RABGAP1L: variants seen among roughly 807,000 people sequenced by gnomAD.
RABGAP1L encodes the protein RAB GTPase activating protein 1 like.
Under a neutral mutation model 137.7 loss-of-function variants are expected in RABGAP1L, and 63 were observed. The ratio of observed to expected loss-of-function variants is 0.46; its 90% CI spans 0.37 to 0.56. The LOEUF is 0.56. RABGAP1L is among the 20% of genes least tolerant of loss of function. The pLI, the probability that RABGAP1L is intolerant of heterozygous loss-of-function variation, is 0.00. For missense variants in RABGAP1L, 1,095 were observed against 1,244.0 expected (o/e 0.88, Z 1.80); for synonymous variants, 431 against 433.7 (o/e 0.99, Z 0.08).
intron 17 of RABGAP1L, among the ~76,000 whole-genome samples, chr1:174,720,698 AC>A (rs1681456626): frequency 6.6e-6 from 1 of 152,074 alleles, no homozygotes; most frequent in Non-Finnish European, 1.5e-5. Context: ...ATGAAGTTGT[AC>A]CCCTACCTCT....
intron 19 of RABGAP1L, among the ~76,000 whole-genome samples, chr1:174,853,587 C>G (rs1487079572): frequency 1.3e-5 from 2 of 152,004 alleles, no homozygotes; most frequent in Non-Finnish European, 2.9e-5. Context: ...AAAAATTAGC[C>G]AGGCATGGTG....
At chr1:174,808,196 C>T (rs184189093) in intron 18 of RABGAP1L, among the ~76,000 whole-genome samples, 68 of 151,972 alleles carry the variant, frequency 4.5e-4, no homozygotes, top group Admixed American at 1.2e-3. Flanking sequence ...ACCGTGTTAG[C>T]CAGGATGGTC....
intron 1 of RABGAP1L, among the ~76,000 whole-genome samples, chr1:174,200,327 T>A (rs1484168563): frequency 2.0e-5 from 3 of 152,244 alleles, no homozygotes; most frequent in East Asian, 3.8e-4. Context: ...CAAAGTAAGC[T>A]GGCATAACAG....
chr1:174,859,219 C>T (rs187591395), intron 19 of RABGAP1L, among the ~76,000 whole-genome samples: 155 of 152,232 alleles, frequency 1.0e-3, no homozygotes, highest in African/African-American at 3.4e-3. Context: ...TGGTGGCTCA[C>T]GCCTTTAATC....
intron 4 of RABGAP1L, among the ~76,000 whole-genome samples, chr1:174,239,500 A>G (rs994299478): frequency 6.6e-6 from 1 of 152,180 alleles, no homozygotes; most frequent in Non-Finnish European, 1.5e-5. Flanking sequence ...TCATCTTAGT[A>G]AACATTTTAT....
intron 11 of RABGAP1L, among the ~76,000 whole-genome samples, chr1:174,349,679 T>TGGG: frequency 1.2e-5 from 1 of 85,034 alleles, no homozygotes; most frequent in South Asian, 5.0e-4. Flanking sequence ...TGGCCGGGCG[T>TGGG]GGGGCTGACA....
At chr1:174,959,619 T>C (rs1382725958) in intron 20 of RABGAP1L, among the ~76,000 whole-genome samples, 1 of 152,218 alleles carries the variant, frequency 6.6e-6, no homozygotes, top group Non-Finnish European at 1.5e-5. Flanking sequence ...AGTTCAAGTA[T>C]TGTTGATTCT....
chr1:174,621,252 C>T (rs1672434298), intron 13 of RABGAP1L, among the ~76,000 whole-genome samples: 1 of 152,142 alleles, frequency 6.6e-6, no homozygotes, highest in Non-Finnish European at 1.5e-5. Context: ...TAGGAAGAAT[C>T]AATATCGTGA....
At chr1:174,888,792 C>T (rs57366106) in intron 19 of RABGAP1L, among the ~76,000 whole-genome samples, 19,265 of 152,066 alleles carry the variant, frequency 0.13, 1,286 homozygotes, top group East Asian at 0.22. Context: ...CCACCATGCC[C>T]GGCCAGCTAT....
At chr1:174,232,353 C>A (rs988552824) in intron 4 of RABGAP1L, among the ~76,000 whole-genome samples, 2 of 151,702 alleles carry the variant, frequency 1.3e-5, no homozygotes, top group African/African-American at 4.8e-5. Flanking sequence ...CGTGTGGTGG[C>A]ACACGCCTGT....
rs1337034635 is a variant in RABGAP1L, at chr1:174,702,191, A to G, written c.2104A>G (p.Thr702Ala). ...AHMYASQWFL[T>A]LFTAKFPLCM... ...TATGTATGCATCCCAGTGGTTTCTC[A>G]CTCTTTTTACTGCCAAGTTCCCACT... The change falls in exon 17 of 26, where the codon ACT becomes GCT. Residue 702 changes from threonine (T) to alanine (A), a missense_variant. Physicochemically the swap from Thr to Ala is moderately conservative, Grantham distance 58. Coordinates refer to ENST00000681986, the MANE Select transcript of RABGAP1L (RefSeq NM_001366446.1). The G allele has an allele frequency of 3.1e-6, 5 of 1,611,688 alleles. No individual in the cohort carries two copies. The highest frequency in any genetic ancestry group is 4.2e-6 in the Non-Finnish European group (5 of 1,178,836).
At chr1:174,678,788 C>T (rs116113339) in intron 14 of RABGAP1L, among the ~76,000 whole-genome samples, 9,585 of 152,166 alleles carry the variant, frequency 0.063, 1,056 homozygotes, top group African/African-American at 0.22. Flanking sequence ...TAGAATGAAC[C>T]CCAGGCACTT....
At chr1:174,539,623 C>A (rs1665195389) in intron 13 of RABGAP1L, among the ~76,000 whole-genome samples, 1 of 152,202 alleles carries the variant, frequency 6.6e-6, no homozygotes, top group Non-Finnish European at 1.5e-5. Context: ...GACATGAACT[C>A]ATCCCTTTTT....
chr1:174,319,464 A>G (rs7512930), intron 11 of RABGAP1L, among the ~76,000 whole-genome samples: 87,241 of 151,962 alleles, frequency 0.57, 27,425 homozygotes, highest in African/African-American at 0.85. Context: ...AAATTTCTGC[A>G]TATGTCATTA....
intron 19 of RABGAP1L, among the ~76,000 whole-genome samples, chr1:174,884,541 A>G (rs1392449727): frequency 1.3e-5 from 2 of 152,208 alleles, no homozygotes; most frequent in Non-Finnish European, 2.9e-5. Flanking sequence ...TTTTGGCACT[A>G]TATCAATTTC....
intron 1 of RABGAP1L, among the ~76,000 whole-genome samples, chr1:174,213,630 A>G (rs1227437786): frequency 6.6e-6 from 1 of 152,234 alleles, no homozygotes; most frequent in Non-Finnish European, 1.5e-5. Flanking sequence ...CAAATTGATC[A>G]CAATCAGTGG....
intron 13 of RABGAP1L, among the ~76,000 whole-genome samples, chr1:174,532,374 A>G (rs1440359924): frequency 6.6e-6 from 1 of 151,754 alleles, no homozygotes; most frequent in Non-Finnish European, 1.5e-5. Flanking sequence ...ACACCTGGCT[A>G]ATTTTTGTAT....
intron 10 of RABGAP1L, among the ~76,000 whole-genome samples, chr1:174,297,591 G>A (rs1447546248): frequency 2.0e-5 from 3 of 152,162 alleles, no homozygotes; most frequent in African/African-American, 7.2e-5. Flanking sequence ...TTAGATTAAG[G>A]ATAAGGACTA....
At chr1:174,210,032 A>G (rs538148797) in intron 1 of RABGAP1L, among the ~76,000 whole-genome samples, 1 of 152,326 alleles carries the variant, frequency 6.6e-6, no homozygotes, top group Non-Finnish European at 1.5e-5. Context: ...CAAGATCCAC[A>G]GTGTTACTGG....
Sources: allele counts gnomAD v4.1 joint callset (sites outside exome capture counted in the v4.1 genomes callset), GRCh38; gene constraint gnomAD v4.1.1; transcripts MANE v1.5; gene names NCBI Gene and HGNC (gene_info 2026-07-23, HGNC 2026-07-21).